HTR2A: variants seen among roughly 807,000 people sequenced by gnomAD.
The protein encoded by HTR2A is 5-HT2 receptor.
A neutral mutation model predicts 31.0 loss-of-function variants in HTR2A; 14 were observed. The ratio of observed to expected loss-of-function variants is 0.45; its 90% CI spans 0.30 to 0.71. HTR2A has a LOEUF of 0.71. Among genes scored for constraint, HTR2A ranks in the 30% least tolerant of loss-of-function variants. The pLI is 0.09. For synonymous variants in HTR2A, 209 were observed against 225.2 expected, an observed-to-expected ratio of 0.93 and a Z score of 0.64; for missense variants, 442 against 573.3, an observed-to-expected ratio of 0.77 and a Z score of 2.34.
chr13:46,884,228 T>C (rs998836459), intron 3 of HTR2A, among the ~76,000 whole-genome samples: 6 of 152,210 alleles, frequency 3.9e-5, no homozygotes, highest in African/African-American at 1.4e-4. Flanking sequence ...CTCTACTTGG[T>C]ATGGAGGGCA....
At position 46,863,375 on chromosome 13, in the gene HTR2A, C is replaced by G. The variant is rs539068387; in HGVS notation, c.614-27736G>C. Among the ~76,000 whole-genome samples, 4 of 152,124 alleles carry G rather than the reference C, an allele frequency of 2.6e-5. No individual in the cohort carries two copies. The East Asian group carries it at 7.7e-4, about 29-fold the overall frequency. On this transcript the variant is annotated intron_variant, in intron 3 of 3. Coordinates refer to ENST00000542664, the MANE Select transcript of HTR2A (RefSeq NM_000621.5). The stretch of plus-strand genomic sequence containing the variant: ...GGTGGCTCATACCTATAAATTTCAG[C>G]ACTTTGGAAGGCTGAGGTGGAAGGA...
chr13:46,882,211 G>C (rs1297001799), intron 3 of HTR2A, among the ~76,000 whole-genome samples: 1 of 138,388 alleles, frequency 7.2e-6, no homozygotes, highest in African/African-American at 2.8e-5. Context: ...ACAAGCAAGT[G>C]AAAATGGTCA....
intron 3 of HTR2A, among the ~76,000 whole-genome samples, chr13:46,844,542 A>G (rs533631411): frequency 6.6e-6 from 1 of 152,316 alleles, no homozygotes; most frequent in South Asian, 2.1e-4. Flanking sequence ...TAAAATCACA[A>G]GGGAAAAGAT....
At chr13:46,845,511 A>C (rs963019338) in intron 3 of HTR2A, among the ~76,000 whole-genome samples, 2 of 152,118 alleles carry the variant, frequency 1.3e-5, no homozygotes, top group African/African-American at 4.8e-5. Flanking sequence ...TTGTTCCTTC[A>C]TCCATCAATC....
At chr13:46,863,851 CAG>C (rs1349050965) in intron 3 of HTR2A, among the ~76,000 whole-genome samples, 1 of 151,894 alleles carries the variant, frequency 6.6e-6, no homozygotes, top group African/African-American at 2.4e-5. Context: ...TTGTGGAAGA[CAG>C]TGTGGTGGTT....
chr13:46,856,312 T>C (rs947564573), intron 3 of HTR2A: 1 of 152,248 alleles, frequency 6.6e-6, no homozygotes, highest in Non-Finnish European at 1.5e-5. Flanking sequence ...TTTTATCTTT[T>C]TAATGACACT....
intron 2 of HTR2A, among the ~76,000 whole-genome samples, chr13:46,894,517 T>C (rs1951085452): frequency 6.6e-6 from 1 of 152,240 alleles, no homozygotes; most frequent in Non-Finnish European, 1.5e-5. Flanking sequence ...CGCCCTTGCG[T>C]ACCGCCTTCC....
At chr13:46,849,772 T>A (rs1333485445) in intron 3 of HTR2A, among the ~76,000 whole-genome samples, 2 of 152,222 alleles carry the variant, frequency 1.3e-5, no homozygotes, top group Non-Finnish European at 2.9e-5. Flanking sequence ...TTTTTTCCTT[T>A]AGCAGTTGCC....
chr13:46,891,591 G>A (rs988941160), intron 3 of HTR2A, among the ~76,000 whole-genome samples: 4 of 152,210 alleles, frequency 2.6e-5, no homozygotes, highest in African/African-American at 4.8e-5. Context: ...GCGGATGCTG[G>A]CACTGGCGTG....
intron 3 of HTR2A, among the ~76,000 whole-genome samples, chr13:46,862,373 A>T (rs1479177697): frequency 6.6e-6 from 1 of 152,218 alleles, no homozygotes; most frequent in African/African-American, 2.4e-5. Flanking sequence ...CAGGAGTGCA[A>T]AGGTAAGAAC....
chr13:46,892,798 A>T (rs1020443951), intron 2 of HTR2A, among the ~76,000 whole-genome samples: 1 of 152,212 alleles, frequency 6.6e-6, no homozygotes, highest in Non-Finnish European at 1.5e-5. Flanking sequence ...GGGTTTGAAA[A>T]TTTCTAGTGT....
At chr13:46,867,005 G>A (rs1016075672) in intron 3 of HTR2A, among the ~76,000 whole-genome samples, 4 of 152,184 alleles carry the variant, frequency 2.6e-5, no homozygotes, top group Non-Finnish European at 5.9e-5. Context: ...CAGCCTGGGT[G>A]ACAAGAGTGA....
rs1876310340 is a variant in HTR2A, at chr13:46,833,228, T to A, written c.*1609A>T. The A allele has an allele frequency of 6.6e-6, 1 of 152,212 alleles. No homozygotes were observed. The highest frequency in any genetic ancestry group is 2.4e-5 in the African/African-American group (1 of 41,456). 9.4% of individuals were successfully genotyped at this position (152,212 alleles called of 1,614,324 possible). On this transcript the variant is annotated 3_prime_UTR_variant, in exon 4 of 4. Transcript: ENST00000542664. ...TGGTAACCAATCAGGAAAACTTATT[T>A]TTAAAACTACTCTCACAGTTGAAAC...
At chr13:46,840,765 C>T (rs1170308975) in intron 3 of HTR2A, among the ~76,000 whole-genome samples, 2 of 152,120 alleles carry the variant, frequency 1.3e-5, no homozygotes, top group Non-Finnish European at 2.9e-5. Context: ...TATGATAATC[C>T]TAAAATCTGA....
chr13:46,874,893 T>G (rs1439574822), intron 3 of HTR2A, among the ~76,000 whole-genome samples: 3 of 152,216 alleles, frequency 2.0e-5, no homozygotes, highest in Non-Finnish European at 4.4e-5. Context: ...ATAGTAGACT[T>G]AAAACCACAG....
chr13:46,834,017 G>C lies in HTR2A; in HGVS notation c.*820C>G, dbSNP rs1876344451. 1 of 152,260 alleles carries C rather than the reference G, an allele frequency of 6.6e-6. No homozygotes were observed. The allele number at this position is 152,260 out of a possible 1,614,324, so 9.4% of individuals were successfully genotyped here. On this transcript the variant is annotated 3_prime_UTR_variant, in exon 4 of 4. Transcript: ENST00000542664. ...CAGCAAGTTACCAAATACCTCGATA[G>C]TGCTGTTTTAGAGAAGCAATTGCTA...
chr13:46,859,104 C>A (rs1000794481), intron 3 of HTR2A, among the ~76,000 whole-genome samples: 1 of 152,188 alleles, frequency 6.6e-6, no homozygotes, highest in African/African-American at 2.4e-5. Flanking sequence ...GAAACAGATA[C>A]TCAACATGTT....
chr13:46,890,586 T>C (rs928720847), intron 3 of HTR2A, among the ~76,000 whole-genome samples: 9 of 152,202 alleles, frequency 5.9e-5, no homozygotes, highest in African/African-American at 2.2e-4. Flanking sequence ...TGTATACTAC[T>C]GGGTCCGTAC....
intron 3 of HTR2A, among the ~76,000 whole-genome samples, chr13:46,864,034 T>C (rs1950801851): frequency 6.6e-6 from 1 of 152,188 alleles, no homozygotes; most frequent in Non-Finnish European, 1.5e-5. Flanking sequence ...CCATCACTGA[T>C]AGACTGGATA....
Sources: allele counts gnomAD v4.1 joint callset (sites outside exome capture counted in the v4.1 genomes callset), GRCh38; gene constraint gnomAD v4.1.1; transcripts MANE v1.5; gene names NCBI Gene and HGNC (gene_info 2026-07-23, HGNC 2026-07-21).